The following TCF7L2 variants were observed in gnomAD, a reference collection of about 807,000 sequenced individuals.
The protein encoded by TCF7L2 is transcription factor 7-like 2.
Under a neutral mutation model 77.9 loss-of-function variants are expected in TCF7L2, and 23 were observed. The observed-to-expected ratio is 0.30, with a 90% CI of 0.21 to 0.42. TCF7L2 has a LOEUF of 0.42. TCF7L2 is among the 10% of genes least tolerant of loss of function. The pLI is 1.00. For missense variants in TCF7L2, 654 were observed against 793.1 expected, an observed-to-expected ratio of 0.82 and a Z score of 2.11; for synonymous variants, 413 against 340.2, an observed-to-expected ratio of 1.21 and a Z score of -2.36.
intron 4 of TCF7L2, among the ~76,000 whole-genome samples, chr10:112,981,756 C>T (rs994354035): frequency 9.8e-5 from 15 of 152,318 alleles, no homozygotes; most frequent in Admixed American, 3.9e-4. Flanking sequence ...TCGTTTCTTT[C>T]GCCCTGAGAG....
chr10:113,024,230 G>A (rs1483059468), intron 4 of TCF7L2, among the ~76,000 whole-genome samples: 3 of 151,998 alleles, frequency 2.0e-5, no homozygotes, highest in African/African-American at 7.2e-5. Flanking sequence ...CCTGGGAGGC[G>A]GAGATTGCAG....
At chr10:113,017,416 C>T (rs997275182) in intron 4 of TCF7L2, among the ~76,000 whole-genome samples, 1 of 152,270 alleles carries the variant, frequency 6.6e-6, no homozygotes, top group African/African-American at 2.4e-5. Flanking sequence ...CATGTGCCCA[C>T]TTCCTCCTCG....
Position 112,951,601 on chromosome 10 carries a change from C to G in TCF7L2, c.375C>G (p.Ala125=). ...CCAACGGATCGCTCTCGCCCACCGC[C>G]CGAACCGTAAGTGCCTCCGCGCCCG... is the stretch of plus-strand genomic sequence containing the variant. The change falls in exon 3 of 14, where the codon GCC becomes GCG. Residue 125 remains alanine, a synonymous_variant. Coordinates refer to ENST00000627217, the MANE Select transcript of TCF7L2 (RefSeq NM_001146274.2). 7.6e-7 allele frequency: 1 copy of G among 1,312,228 alleles called. No homozygotes were observed. The highest frequency in any genetic ancestry group is 1.0e-6 in the Non-Finnish European group (1 of 1,001,490). 81.3% of individuals were successfully genotyped at this position (1,312,228 alleles called of 1,614,324 possible). A position where few individuals can be genotyped will look rare whatever the true frequency, so the allele number is the denominator to read the frequency against.
chr10:113,067,586 C>G (rs1044132361), intron 5 of TCF7L2, among the ~76,000 whole-genome samples: 3 of 152,272 alleles, frequency 2.0e-5, no homozygotes, highest in African/African-American at 7.2e-5. Flanking sequence ...TAGTGCTAGG[C>G]TTTTGATATA....
At chr10:112,956,870 A>G (rs1482483379) in intron 3 of TCF7L2, among the ~76,000 whole-genome samples, 2 of 152,150 alleles carry the variant, frequency 1.3e-5, no homozygotes, top group Non-Finnish European at 2.9e-5. Context: ...TCTCTCACTA[A>G]TTATAAGCAA....
intron 4 of TCF7L2, among the ~76,000 whole-genome samples, chr10:113,010,740 G>A (rs1008838580): frequency 6.6e-6 from 1 of 152,228 alleles, no homozygotes; most frequent in Non-Finnish European, 1.5e-5. Context: ...TAGGCTGGGC[G>A]TGGTGGCTCA....
intron 4 of TCF7L2, among the ~76,000 whole-genome samples, chr10:112,965,047 T>G (rs1027763300): frequency 6.6e-6 from 1 of 151,896 alleles, no homozygotes; most frequent in African/African-American, 2.4e-5. Context: ...ATGGGAAGGC[T>G]TAAGGGGAGA....
chr10:112,994,021 C>T (rs975251812), intron 4 of TCF7L2, among the ~76,000 whole-genome samples: 2 of 151,084 alleles, frequency 1.3e-5, no homozygotes, highest in Non-Finnish European at 2.9e-5. Flanking sequence ...TGCCATTGCA[C>T]TCCAGCCTGG....
intron 5 of TCF7L2, among the ~76,000 whole-genome samples, chr10:113,065,207 A>G (rs754899438): frequency 1.3e-5 from 2 of 152,266 alleles, no homozygotes; most frequent in Middle Eastern, 3.4e-3. Flanking sequence ...GCCTATGAGG[A>G]TGTTGTTTAC....
chr10:113,136,751 G>A (rs2067468783), intron 5 of TCF7L2, among the ~76,000 whole-genome samples: 1 of 152,220 alleles, frequency 6.6e-6, no homozygotes, highest in Non-Finnish European at 1.5e-5. Context: ...CCCATGGATA[G>A]TTGCTGCTAA....
chr10:112,976,164 T>C (rs1336516425), intron 4 of TCF7L2, among the ~76,000 whole-genome samples: 4 of 152,180 alleles, frequency 2.6e-5, no homozygotes, highest in African/African-American at 9.6e-5. Flanking sequence ...AGGTAAGATA[T>C]ATAATGATCT....
chr10:113,142,040 T>C (rs149081549), intron 6 of TCF7L2, among the ~76,000 whole-genome samples: 1,996 of 152,360 alleles, frequency 0.013, 23 homozygotes, highest in South Asian at 0.034. Context: ...AGTCTTGCTC[T>C]GTCATCCAGG....
At chr10:112,966,184 T>TTATTTATATA (rs2036768924) in intron 4 of TCF7L2, among the ~76,000 whole-genome samples, 1 of 114,278 alleles carries the variant, frequency 8.8e-6, no homozygotes, top group African/African-American at 4.8e-5. Flanking sequence ...TAAAATATAT[T>TTATTTATATA]TATATATATA....
chr10:113,074,081 C>T (rs1447237154), intron 5 of TCF7L2, among the ~76,000 whole-genome samples: 1 of 152,196 alleles, frequency 6.6e-6, no homozygotes, highest in African/African-American at 2.4e-5. Context: ...CGGTCGCAGG[C>T]TGACTAACAC....
chr10:113,091,022 C>T (rs913695338), intron 5 of TCF7L2, among the ~76,000 whole-genome samples: 11 of 152,252 alleles, frequency 7.2e-5, no homozygotes, highest in African/African-American at 1.4e-4. Flanking sequence ...CTGCCTCAGC[C>T]TCCCGAGTAG....
At chr10:113,153,282 G>A (rs569963960) in intron 11 of TCF7L2, among the ~76,000 whole-genome samples, 43 of 152,174 alleles carry the variant, frequency 2.8e-4, no homozygotes, top group Non-Finnish European at 5.9e-4. Flanking sequence ...CAGTAACTCC[G>A]CTTTCCTCTC....
rs190966900 is a variant in TCF7L2 at position 113,141,301 on chromosome 10, G to T, written c.670G>T (p.Val224Leu). 6.2e-6 allele frequency: 10 copies of T among 1,614,130 alleles called. No individual in the cohort carries two copies. The South Asian group carries it at 1.1e-4, about 18-fold the overall frequency. Residue 224 changes from valine to leucine, a missense_variant, in exon 6 of 14, where the codon GTA (valine) becomes TTA (leucine). Physicochemically the swap from Val to Leu is conservative, Grantham distance 32. Coordinates refer to ENST00000627217, the MANE Select transcript of TCF7L2 (RefSeq NM_001146274.2). ...CCCACCTCCACACTTACCAGCCGAC[G>T]TAGACCCCAAAACAGGTAGGCTGTG...
At chr10:113,053,289 G>A (rs1026747530) in intron 5 of TCF7L2, among the ~76,000 whole-genome samples, 5 of 152,188 alleles carry the variant, frequency 3.3e-5, no homozygotes, top group Admixed American at 2.6e-4. Context: ...CACCGCATAC[G>A]GAGGCCAGCA....
At chr10:113,060,924 C>T (rs2056337362) in intron 5 of TCF7L2, among the ~76,000 whole-genome samples, 1 of 152,096 alleles carries the variant, frequency 6.6e-6, no homozygotes, top group Non-Finnish European at 1.5e-5. Context: ...TGCCTCAGAA[C>T]CCTATCACAT....
Sources: allele counts gnomAD v4.1 joint callset (sites outside exome capture counted in the v4.1 genomes callset), GRCh38; gene constraint gnomAD v4.1.1; transcripts MANE v1.5; gene names NCBI Gene and HGNC (gene_info 2026-07-23, HGNC 2026-07-21).